The following SMG5 variants were observed in gnomAD, a reference collection of about 807,000 sequenced individuals.
SMG5 encodes nonsense-mediated mRNA decay factor SMG5.
A neutral mutation model predicts 122.9 loss-of-function variants in SMG5; 53 were observed. The ratio of observed to expected loss-of-function variants is 0.43; its 90% CI spans 0.35 to 0.54. The LOEUF (loss-of-function observed/expected upper bound fraction) is 0.54. Among genes scored for constraint, SMG5 ranks in the 20% least tolerant of loss-of-function variants. SMG5 has a pLI of 0.01. For missense variants in SMG5, 1,153 were observed against 1,285.6 expected (o/e 0.90, Z 1.58); for synonymous variants, 477 against 490.2 (o/e 0.97, Z 0.35).
upstream of SMG5, chr1:156,285,674 G>A: frequency 6.2e-7 from 1 of 1,613,804 alleles, no homozygotes. Flanking sequence ...CGTGCGCTGT[G>A]AGGCAGGCGA....
intron 3 of SMG5, among the ~76,000 whole-genome samples, chr1:156,277,564 G>A (rs1163429519): frequency 6.8e-6 from 1 of 147,496 alleles, no homozygotes; most frequent in Non-Finnish European, 1.5e-5. Context: ...CCTGGCTGGA[G>A]TACAATGGCG....
the SMG5 span, among the ~76,000 whole-genome samples, chr1:156,288,374 T>C: frequency 6.6e-6 from 1 of 151,368 alleles, no homozygotes; most frequent in Admixed American, 6.6e-5. Context: ...CTTACTCTGT[T>C]ACCCAGGCTG....
chr1:156,281,579 C>CA (rs1175799316), intron 1 of SMG5, among the ~76,000 whole-genome samples: 1 of 152,192 alleles, frequency 6.6e-6, no homozygotes, highest in Non-Finnish European at 1.5e-5. Context: ...GATGCCTACT[C>CA]AAAGAGAAAA....
chr1:156,274,850 G>A (rs1558244609), intron 4 of SMG5, among the ~76,000 whole-genome samples, 164 bp from the exon 5 acceptor site: 1 of 152,128 alleles, frequency 6.6e-6, no homozygotes, highest in African/African-American at 2.4e-5. Context: ...GAGAGACACA[G>A]AGGATCACAG....
the SMG5 span, chr1:156,291,006 G>A: frequency 4.4e-5 from 10 of 227,094 alleles, no homozygotes; most frequent in Non-Finnish European, 7.9e-5. Context: ...CAGGTGTGGT[G>A]GCCCGCATCT....
chr1:156,253,099 G>T (rs1448573259), intron 17 of SMG5, 21 bp from the exon 18 acceptor site: 1 of 1,573,714 alleles, frequency 6.4e-7, no homozygotes, highest in Admixed American at 1.8e-5. Context: ...AGGGCAAGGT[G>T]GGTACAGCTG....
the SMG5 span, chr1:156,290,954 A>C: frequency 1.1e-5 from 2 of 176,856 alleles, no homozygotes; most frequent in East Asian, 3.0e-4. Flanking sequence ...ATATTTTACT[A>C]TACTCATTGA....
upstream of SMG5, chr1:156,286,404 T>C (rs137998869): frequency 2.4e-4 from 380 of 1,614,218 alleles, 1 homozygote; most frequent in African/African-American, 4.8e-3. Context: ...CTGGCCGTGC[T>C]TTCCACTTAC....
In SMG5 at chr1:156,250,647, G is replaced by A. The variant is rs1485992877; in HGVS notation, c.2991C>T (p.His997=). The change falls in exon 22 of 22, where the codon CAC becomes CAT. Residue 997 remains histidine (H), a synonymous_variant. Transcript: ENST00000361813. ...PMQAALQAAA[H]ASVDIKNVLD... is the part of the protein sequence containing the mutation. ...GAACATTCTTGATGTCCACACTGGC[G>A]TGGGCAGCGGCCTGCAGGGCTGCCT... The A allele has an allele frequency of 1.9e-6, 3 of 1,614,190 alleles. No homozygotes were observed. Among genetic ancestry groups the A allele is most frequent in the East Asian group, 2.2e-5 (1 of 44,884 alleles).
rs142496740 is a variant in SMG5 at position 156,252,860 on chromosome 1, C to G, written c.2662+59G>C. ...TGGGCCCCAAATAAGGTCTCTTAAT[C>G]CCAAGCCCAGAATCTCTTTTAGTCA... On this transcript the variant is annotated intron_variant, in intron 18 of 21. Transcript: ENST00000361813. The G allele has an allele frequency of 1.9e-4, 275 of 1,458,078 alleles. 1 individual carries two copies. The African/African-American group carries it at 3.2e-3, about 17-fold the overall frequency. The allele number at this position is 1,458,078 out of a possible 1,614,324, so 90.3% of individuals were successfully genotyped here. A position where few individuals can be genotyped will look rare whatever the true frequency, so the allele number is the denominator to read the frequency against.
chr1:156,288,330 C>A, the SMG5 span, among the ~76,000 whole-genome samples: 1 of 148,302 alleles, frequency 6.7e-6, no homozygotes, highest in African/African-American at 2.5e-5. Context: ...GCTCTTGTTA[C>A]TTTTTTTTTC....
Position 156,282,625 on chromosome 1 carries a change from T to C in SMG5, c.56A>G (p.His19Arg). 1 of 1,608,930 alleles carries C rather than the reference T, an allele frequency of 6.2e-7. No individual in the cohort carries two copies. The highest frequency in any genetic ancestry group is 8.5e-7 in the Non-Finnish European group (1 of 1,179,672). ...CTCTCACCGGTAAAGCCGCTTAGTG[T>C]GGAGGACTTTTGCTTCGGGCTCGCT... ...ESSEPEAKVL[H>R]TKRLYRAVVE... Residue 19 changes from histidine (H) to arginine (R), a missense_variant, in exon 1 of 22, where the codon CAC (histidine) becomes CGC (arginine). Physicochemically the swap from His to Arg is conservative, Grantham distance 29. Around this residue, in one of 5 missense-constraint regions of SMG5, gnomAD observed 213 missense variants for 197.5 expected, o/e 1.08. Transcript: ENST00000361813.
chr1:156,250,869 C>G lies in SMG5; in HGVS notation c.2956G>C (p.Gly986Arg). The G allele has an allele frequency of 6.2e-7, 1 of 1,613,914 alleles. No individual in the cohort carries two copies. Among genetic ancestry groups the G allele is most frequent in the Non-Finnish European group, 8.5e-7 (1 of 1,179,884 alleles). ...LPLDNPSVLS[G>R]PMQAALQAAA... is the part of the protein sequence containing the mutation. The stretch of plus-strand genomic sequence containing the variant: ...CACCCATGACCCACCTGCATGGGGC[C>G]TGAAAGCACGCTGGGGTTGTCCAGT... The change falls in exon 21 of 22, where the codon GGC (glycine) becomes CGC (arginine). Residue 986 changes from glycine to arginine, a missense_variant. Transcript: ENST00000361813.
intron 7 of SMG5, among the ~76,000 whole-genome samples, chr1:156,270,136 A>G (rs1040023767): frequency 6.6e-6 from 1 of 152,242 alleles, no homozygotes; most frequent in South Asian, 2.1e-4. Context: ...AGTGAGGTAT[A>G]AAATAGAAGA....
intron 7 of SMG5, among the ~76,000 whole-genome samples, chr1:156,271,015 A>G (rs1029944979): frequency 1.3e-5 from 2 of 152,270 alleles, no homozygotes; most frequent in Non-Finnish European, 2.9e-5. Context: ...CTCAAAAAAA[A>G]AAAAAGAAAA....
chr1:156,286,086 C>T, upstream of SMG5: 1 of 1,493,486 alleles, frequency 6.7e-7, no homozygotes, highest in Admixed American at 1.9e-5. Context: ...TGACCTGGGC[C>T]CCTCAGGGTC....
the SMG5 span, among the ~76,000 whole-genome samples, chr1:156,288,249 A>C: frequency 6.6e-6 from 1 of 151,196 alleles, no homozygotes; most frequent in Admixed American, 6.6e-5. Context: ...AACTACTGTT[A>C]ATCTAGAAGG....
the SMG5 span, chr1:156,291,380 C>T: frequency 6.2e-7 from 1 of 1,613,938 alleles, no homozygotes; most frequent in African/African-American, 1.3e-5. Context: ...TTCTTGCCCC[C>T]ATAGGCTGAT....
At chr1:156,286,194 GCTTA>G (rs1663154788), upstream of SMG5, 1 of 1,530,120 alleles carries the variant, frequency 6.5e-7, no homozygotes, top group Non-Finnish European at 9.0e-7. Flanking sequence ...TCTGCCCCCA[GCTTA>G]CTGCCTCTTG....
Sources: gnomAD v4.1 joint callset for allele counts (sites outside exome capture counted in the v4.1 genomes callset) on GRCh38, gnomAD v4.1.1 for gene constraint, gnomAD v4.1.1 regional missense constraint, MANE v1.5 for transcripts, NCBI Gene and HGNC (gene_info 2026-07-23, HGNC 2026-07-21) for gene names.